NUP50: variants seen among roughly 807,000 people sequenced by gnomAD.
NUP50 encodes the protein nucleoporin 50.
In NUP50, 14 loss-of-function variants were observed where a neutral mutation model predicts 36.8. The observed-to-expected ratio is 0.38, with a 90% CI of 0.25 to 0.59. The LOEUF is 0.59. NUP50 is among the 20% of genes least tolerant of loss of function. NUP50 has a pLI of 0.63. For missense variants in NUP50, 455 were observed against 564.6 expected, an observed-to-expected ratio of 0.81 and a Z score of 1.97; for synonymous variants, 195 against 210.8, an observed-to-expected ratio of 0.93 and a Z score of 0.65.
rs1025638245 is a variant in NUP50, at chr22:45,181,141, C to T, written c.1004-145C>T. ...CAGGTACTCCCTTCTGGCATCCCCCCCCCCCCCCATTAAGTGTGCATTTTA... is the reference window on the plus strand; with the variant it reads ...CAGGTACTCCCTTCTGGCATCCCCCTCCCCCCCCATTAAGTGTGCATTTTA... On this transcript the variant is annotated intron_variant, in intron 5 of 7. Transcript: ENST00000347635. 7 of 168,144 alleles carry T rather than the reference C, an allele frequency of 4.2e-5. 1 individual carries two copies. The South Asian group carries it at 4.3e-4, about 10-fold the overall frequency. 10.4% of individuals were successfully genotyped at this position (168,144 alleles called of 1,614,324 possible).
At chr22:45,175,388 A>G (rs916309919) in intron 3 of NUP50, among the ~76,000 whole-genome samples, 2 of 152,238 alleles carry the variant, frequency 1.3e-5, no homozygotes, top group African/African-American at 4.8e-5. Flanking sequence ...TTGAGACTCG[A>G]TCATCTAAGT....
At chr22:45,176,914 G>T (rs2147687854) in intron 4 of NUP50, among the ~76,000 whole-genome samples, 1 of 152,068 alleles carries the variant, frequency 6.6e-6, no homozygotes, top group South Asian at 2.1e-4. Flanking sequence ...GCTAATTTTT[G>T]TAATTTTAGT....
At chr22:45,183,094 G>C (rs111818385) in intron 6 of NUP50, among the ~76,000 whole-genome samples, 62,263 of 133,420 alleles carry the variant, frequency 0.47, 16,465 homozygotes, top group Middle Eastern at 0.56. Context: ...GCGGGGGGGG[G>C]GGGGGGTTGG....
chr22:45,168,141 T>C, intron 1 of NUP50, 27 bp from the exon 2 acceptor site: 1 of 1,514,184 alleles, frequency 6.6e-7, no homozygotes, highest in Non-Finnish European at 9.1e-7. Flanking sequence ...TCTAGAAAAA[T>C]AAACTCTTCT....
intron 2 of NUP50, 145 bp from the exon 3 acceptor site, chr22:45,171,455 T>A: frequency 1.4e-6 from 1 of 737,140 alleles, no homozygotes; most frequent in Non-Finnish European, 2.2e-6. Flanking sequence ...GCGCTAGTAT[T>A]ATAGGCGCAA....
intron 4 of NUP50, 125 bp downstream of exon 4, chr22:45,176,205 G>A (rs2074274720): frequency 9.7e-7 from 1 of 1,033,836 alleles, no homozygotes; most frequent in Admixed American, 2.9e-5. Flanking sequence ...GGGTGATAAT[G>A]AAAGAGATGG....
In NUP50 at chr22:45,178,637, C is replaced by G; in HGVS notation, c.740C>G (p.Pro247Arg). The change falls in exon 5 of 8, where the codon CCT becomes CGT. Residue 247 changes from proline (P) to arginine (R), a missense_variant. Physicochemically the swap from Pro to Arg is moderately radical, Grantham distance 103. This residue lies in a region of NUP50 where 287 missense variants were observed against 345.5 expected (regional missense o/e 0.83). Transcript: ENST00000347635. ...LFHGNKTEDT[P>R]DKKMEVASEK... ...CATGGCAACAAAACTGAAGATACACCTGACAAGAAGATGGAGGTGGCATCT... is the reference window on the plus strand; with the variant it reads ...CATGGCAACAAAACTGAAGATACACGTGACAAGAAGATGGAGGTGGCATCT... 6.2e-7 allele frequency: 1 copy of G among 1,611,908 alleles called. No homozygotes were observed. Among genetic ancestry groups the G allele is most frequent in the South Asian group, 1.1e-5 (1 of 90,982 alleles).
chr22:45,176,395 G>A (rs1211461005), intron 4 of NUP50, among the ~76,000 whole-genome samples: 1 of 152,184 alleles, frequency 6.6e-6, no homozygotes, highest in African/African-American at 2.4e-5. Context: ...AGAGTCGAGA[G>A]AGAAAAGAAA....
intron 2 of NUP50, among the ~76,000 whole-genome samples, chr22:45,170,507 T>C (rs1221092093): frequency 6.6e-6 from 1 of 152,198 alleles, no homozygotes; most frequent in African/African-American, 2.4e-5. Context: ...CCAAGCTTAT[T>C]CTTAGACGGC....
rs897739330 is a variant in NUP50, at chr22:45,178,625, C to T, written c.728C>T (p.Thr243Ile). 2 of 1,611,844 alleles carry T rather than the reference C, an allele frequency of 1.2e-6. No homozygotes were observed. The highest frequency in any genetic ancestry group is 4.5e-5 in the East Asian group (2 of 44,898). ...ACGTTTTTGTTTCATGGCAACAAAA[C>T]TGAAGATACACCTGACAAGAAGATG... Reference protein sequence around the residue: ...ESTFLFHGNKTEDTPDKKMEV... With the variant: ...ESTFLFHGNKIEDTPDKKMEV... The change falls in exon 5 of 8, where the codon ACT (threonine) becomes ATT (isoleucine). Residue 243 changes from threonine (T) to isoleucine (I), a missense_variant. By Grantham distance (89) the Thr-to-Ile change is moderately conservative (BLOSUM62 -1). Coordinates refer to ENST00000347635, the MANE Select transcript of NUP50 (RefSeq NM_007172.4).
intron 6 of NUP50, 98 bp from the exon 7 acceptor site, chr22:45,183,304 A>C: frequency 1.4e-6 from 1 of 724,744 alleles, no homozygotes; most frequent in Non-Finnish European, 2.5e-6. Context: ...CTCATTTAAT[A>C]GAGATTTTCC....
intron 1 of NUP50, among the ~76,000 whole-genome samples, chr22:45,167,593 A>G (rs947677894): frequency 2.0e-5 from 3 of 152,314 alleles, no homozygotes; most frequent in South Asian, 2.1e-4. Flanking sequence ...TGTCTTGGCA[A>G]TATACAATTT....
At chr22:45,166,322 C>T (rs1439937873) in intron 1 of NUP50, 2 of 128,690 alleles carry the variant, frequency 1.6e-5, no homozygotes, top group Admixed American at 8.8e-5. Context: ...GAGTCTTGCT[C>T]TGTCACATAG....
At chr22:45,184,380 T>G (rs1291236938) in intron 7 of NUP50, 73 bp from the exon 8 acceptor site, 2 of 1,310,116 alleles carry the variant, frequency 1.5e-6, no homozygotes, top group Non-Finnish European at 1.1e-6. Flanking sequence ...ATTTAATGTT[T>G]AGCATATTAC....
Position 45,184,946 on chromosome 22 carries a change from T to A in NUP50, c.*291T>A. ...AACCCTAAGTGATTTCTTCAAGGAC[T>A]GCAATCAGGGTATCAATTTGCTTTC... On this transcript the variant is annotated 3_prime_UTR_variant, in exon 8 of 8. Transcript: ENST00000347635. 2.4e-6 allele frequency: 1 copy of A among 409,338 alleles called. No individual in the cohort carries two copies. The highest frequency in any genetic ancestry group is 4.5e-6 in the Non-Finnish European group (1 of 222,410). The allele number at this position is 409,338 out of a possible 1,614,324, so 25.4% of individuals were successfully genotyped here.
chr22:45,182,947 T>C (rs2074401260), intron 6 of NUP50, among the ~76,000 whole-genome samples: 1 of 150,250 alleles, frequency 6.7e-6, no homozygotes, highest in Non-Finnish European at 1.5e-5. Flanking sequence ...AAATAAGAAA[T>C]AGGCCACAAA....
At chr22:45,182,536 T>A (rs2074389468) in intron 6 of NUP50, among the ~76,000 whole-genome samples, 1 of 152,024 alleles carries the variant, frequency 6.6e-6, no homozygotes, top group African/African-American at 2.4e-5. Flanking sequence ...TTGATTACTT[T>A]GTTATTAGTT....
Position 45,184,982 on chromosome 22 carries a change from T to C in NUP50, c.*327T>C. 3.0e-6 allele frequency: 1 copy of C among 330,292 alleles called. No individual in the cohort carries two copies. Among genetic ancestry groups the C allele is most frequent in the Non-Finnish European group, 5.7e-6 (1 of 174,406 alleles). 20.5% of individuals were successfully genotyped at this position (330,292 alleles called of 1,614,324 possible). On this transcript the variant is annotated 3_prime_UTR_variant, in exon 8 of 8. Transcript: ENST00000347635. ...TATCAATTTGCTTTCCCAAAGGCTC[T>C]TCCAACCCGTGGGTTTTGGGGTCCA...
intron 5 of NUP50, 100 bp downstream of exon 5, chr22:45,179,000 T>C: frequency 1.8e-6 from 2 of 1,134,522 alleles, no homozygotes; most frequent in East Asian, 2.5e-5. Flanking sequence ...GGATTCACAT[T>C]GAGACGTTGT....
Sources: gnomAD v4.1 joint callset for allele counts (sites outside exome capture counted in the v4.1 genomes callset) on GRCh38, gnomAD v4.1.1 for gene constraint, gnomAD v4.1.1 regional missense constraint, MANE v1.5 for transcripts, NCBI Gene and HGNC (gene_info 2026-07-23, HGNC 2026-07-21) for gene names.